TRPC3: variants seen among roughly 807,000 people sequenced by gnomAD.
The protein encoded by TRPC3 is transient receptor potential cation channel subfamily C member 3.
A neutral mutation model predicts 90.9 loss-of-function variants in TRPC3; 54 were observed. The ratio of observed to expected loss-of-function variants is 0.59; its 90% CI spans 0.48 to 0.75. The LOEUF (loss-of-function observed/expected upper bound fraction) is 0.75. Among genes scored for constraint, TRPC3 ranks in the 30% least tolerant of loss-of-function variants. TRPC3 has a pLI of 0.00. For synonymous variants in TRPC3, 424 were observed against 450.9 expected (o/e 0.94, Z 0.75); for missense variants, 918 against 1,194.5 (o/e 0.77, Z 3.41).
At chr4:121,939,217 C>T (rs899222859) in intron 1 of TRPC3, among the ~76,000 whole-genome samples, 25 of 152,212 alleles carry the variant, frequency 1.6e-4, no homozygotes, top group African/African-American at 6.0e-4. Context: ...CGAGAAGATA[C>T]ATTTTACAGG....
rs1037765268 is a variant in TRPC3, at chr4:121,878,361, A to G, written c.*1375T>C. Among the ~76,000 whole-genome samples, 1 of 152,228 alleles carries G rather than the reference A, an allele frequency of 6.6e-6. No individual in the cohort carries two copies. The highest frequency in any genetic ancestry group is 1.5e-5 in the Non-Finnish European group (1 of 68,042). ...TGCATGATAGCAATGATTTTAAAGT[A>G]GCATGTATTTAGTTGGTTTTAAGGA... On this transcript the variant is annotated 3_prime_UTR_variant, in exon 12 of 12. Transcript: ENST00000379645.
At chr4:121,922,953 A>G (rs1158101620) in intron 3 of TRPC3, among the ~76,000 whole-genome samples, 1 of 152,184 alleles carries the variant, frequency 6.6e-6, no homozygotes, top group Non-Finnish European at 1.5e-5. Context: ...CTATCTTATG[A>G]AGTAGAGAAG....
intron 1 of TRPC3, among the ~76,000 whole-genome samples, chr4:121,950,112 C>T (rs1730634413): frequency 6.6e-6 from 1 of 152,230 alleles, no homozygotes; most frequent in South Asian, 2.1e-4. Context: ...TTTCCTGGGC[C>T]GTTTCCATTC....
intron 1 of TRPC3, among the ~76,000 whole-genome samples, chr4:121,949,157 C>T (rs1056865623): frequency 2.0e-5 from 3 of 152,188 alleles, no homozygotes; most frequent in African/African-American, 2.4e-5. Context: ...GCCGTCACTA[C>T]AATGACATAT....
At position 121,878,322 on chromosome 4, in the gene TRPC3, C is replaced by T. The variant is rs1727826495; in HGVS notation, c.*1414G>A. Among the ~76,000 whole-genome samples, 1 of 152,128 alleles carries T rather than the reference C, an allele frequency of 6.6e-6. No homozygotes were observed. Among genetic ancestry groups the T allele is most frequent in the East Asian group, 1.9e-4 (1 of 5,200 alleles). On this transcript the variant is annotated 3_prime_UTR_variant, in exon 12 of 12. Coordinates refer to ENST00000379645, the MANE Select transcript of TRPC3 (RefSeq NM_001130698.2). ...TTAACACTTATTTCTGTCTTCATGTCTAAAGAGCTTTTCTGCATGATAGCA... is the reference window on the plus strand; with the variant it reads ...TTAACACTTATTTCTGTCTTCATGTTTAAAGAGCTTTTCTGCATGATAGCA...
chr4:121,886,273 C>T (rs1215271408), intron 10 of TRPC3, among the ~76,000 whole-genome samples: 1 of 152,110 alleles, frequency 6.6e-6, no homozygotes, highest in East Asian at 1.9e-4. Context: ...CTTAATTCTA[C>T]AGAGAAGCCA....
intron 2 of TRPC3, chr4:121,930,641 A>T (rs2149140686): frequency 4.1e-6 from 1 of 241,364 alleles, no homozygotes; most frequent in South Asian, 4.4e-5. Flanking sequence ...GCAGACTTTC[A>T]GTATATATCA....
intron 9 of TRPC3, among the ~76,000 whole-genome samples, chr4:121,900,442 A>G (rs987412284): frequency 3.9e-5 from 6 of 152,202 alleles, no homozygotes; most frequent in Non-Finnish European, 8.8e-5. Flanking sequence ...ACTTCCCACC[A>G]TTATAACTCA....
chr4:121,887,899 A>C (rs1728185075), intron 10 of TRPC3, among the ~76,000 whole-genome samples: 1 of 152,212 alleles, frequency 6.6e-6, no homozygotes, highest in African/African-American at 2.4e-5. Context: ...AATCACGCCC[A>C]GTTAAAAAAA....
chr4:121,936,329 T>C (rs1730125932), intron 1 of TRPC3, among the ~76,000 whole-genome samples: 1 of 152,184 alleles, frequency 6.6e-6, no homozygotes, highest in Non-Finnish European at 1.5e-5. Flanking sequence ...GGGGAGAATG[T>C]TTAGCTCTAG....
intron 10 of TRPC3, among the ~76,000 whole-genome samples, chr4:121,886,992 A>G (rs7674687): frequency 0.011 from 1,717 of 152,326 alleles, 38 homozygotes; most frequent in African/African-American, 0.039. Context: ...TTGAAATAAC[A>G]TAAGCTTTTG....
intron 3 of TRPC3, among the ~76,000 whole-genome samples, chr4:121,922,476 CT>C (rs1729555739): frequency 6.6e-6 from 1 of 152,184 alleles, no homozygotes; most frequent in African/African-American, 2.4e-5. Flanking sequence ...ACAGTTCTAA[CT>C]TTTTTGTTGT....
In TRPC3 at chr4:121,951,717, G is replaced by A; in HGVS notation, c.-37C>T. 1 of 1,288,214 alleles carries A rather than the reference G, an allele frequency of 7.8e-7. No homozygotes were observed. The highest frequency in any genetic ancestry group is 9.9e-7 in the Non-Finnish European group (1 of 1,006,662). The allele number at this position is 1,288,214 out of a possible 1,614,324, so 79.8% of individuals were successfully genotyped here. ...CGGTCCGAGTGTGGGGGTGCCGGCTGCCGGCCTCCTCCGCCTTCGCGGCAG... is the reference window on the plus strand; with the variant it reads ...CGGTCCGAGTGTGGGGGTGCCGGCTACCGGCCTCCTCCGCCTTCGCGGCAG... On this transcript the variant is annotated 5_prime_UTR_variant, in exon 1 of 12. Transcript: ENST00000379645. The surrounding 1 kb of genome is among the most constrained non-coding windows in gnomAD (Gnocchi z 4.4).
intron 10 of TRPC3, among the ~76,000 whole-genome samples, chr4:121,886,213 A>G (rs2149106476): frequency 6.6e-6 from 1 of 152,296 alleles, no homozygotes; most frequent in African/African-American, 2.4e-5. Flanking sequence ...TTCAAATTCA[A>G]CTAATAATTG....
Position 121,951,985 on chromosome 4 carries a change from G to GCGGCGGCGGCGATGCCTCCT in TRPC3, c.-325_-306dup, listed in dbSNP as rs1730793491. On this transcript the variant is annotated 5_prime_UTR_variant, in exon 1 of 12. An upstream open reading frame in the 5' UTR loses its in-frame stop. Coordinates refer to ENST00000379645, the MANE Select transcript of TRPC3 (RefSeq NM_001130698.2). The surrounding 1 kb of genome is among the most constrained non-coding windows in gnomAD (Gnocchi z 4.4). ...GTGCTGGGAGAGGCTCTCCAGCCCC[G>GCGGCGGCGGCGATGCCTCCT]CGGCGGCGGCGATGCCTCCTCGGCG... 6.6e-6 allele frequency among the ~76,000 whole-genome samples: 1 copy of GCGGCGGCGGCGATGCCTCCT among 151,050 alleles called. No individual in the cohort carries two copies. Among genetic ancestry groups the GCGGCGGCGGCGATGCCTCCT allele is most frequent in the Non-Finnish European group, 1.5e-5 (1 of 67,658 alleles).
chr4:121,892,107 G>T (rs2149109872), intron 10 of TRPC3, among the ~76,000 whole-genome samples: 1 of 152,316 alleles, frequency 6.6e-6, no homozygotes, highest in South Asian at 2.1e-4. Flanking sequence ...GGGGAAAATG[G>T]TGTAAATAAA....
chr4:121,918,856 T>A (rs77099568), intron 3 of TRPC3, among the ~76,000 whole-genome samples: 6,018 of 152,262 alleles, frequency 0.04, 394 homozygotes, highest in African/African-American at 0.14. Context: ...AAAAAGCTAA[T>A]CCCTTTAGGA....
At chr4:121,892,512 C>A (rs115770452) in intron 10 of TRPC3, among the ~76,000 whole-genome samples, 2 of 152,026 alleles carry the variant, frequency 1.3e-5, no homozygotes, top group African/African-American at 4.8e-5. Flanking sequence ...TGCAGTAATA[C>A]GATGGAAAAA....
intron 1 of TRPC3, among the ~76,000 whole-genome samples, chr4:121,947,736 T>G: frequency 6.6e-6 from 1 of 152,164 alleles, no homozygotes; most frequent in East Asian, 1.9e-4. Flanking sequence ...AAACACAAAT[T>G]AACTACTTTT....
Sources: allele counts gnomAD v4.1 joint callset (sites outside exome capture counted in the v4.1 genomes callset), GRCh38; gene constraint gnomAD v4.1.1; non-coding constraint Gnocchi (gnomAD v3.1); transcripts MANE v1.5; gene names NCBI Gene and HGNC (gene_info 2026-07-23, HGNC 2026-07-21).